Variants in DYNC2H1 observed in about 807,000 individuals in gnomAD.
The protein encoded by DYNC2H1 is cytoplasmic dynein 2 heavy chain 1.
Under a neutral mutation model 570.0 loss-of-function variants are expected in DYNC2H1, and 410 were observed. The ratio of observed to expected loss-of-function variants is 0.72; its 90% CI spans 0.66 to 0.78. DYNC2H1 has a LOEUF of 0.78. Among genes scored for constraint, DYNC2H1 ranks in the 30% least tolerant of loss-of-function variants. The pLI, the probability that DYNC2H1 is intolerant of heterozygous loss-of-function variation, is 0.00. For synonymous variants in DYNC2H1, 1,688 were observed against 1,677.6 expected, an observed-to-expected ratio of 1.01 and a Z score of -0.15; for missense variants, 4,865 against 5,046.4, an observed-to-expected ratio of 0.96 and a Z score of 1.09.
intron 59 of DYNC2H1, among the ~76,000 whole-genome samples, chr11:103,225,525 A>G (rs1022754220): frequency 2.6e-5 from 4 of 151,962 alleles, no homozygotes; most frequent in African/African-American, 9.7e-5. Context: ...TCCCTACTCT[A>G]TGTTTTTGTT....
At chr11:103,423,890 A>G (rs1943578556) in intron 84 of DYNC2H1, among the ~76,000 whole-genome samples, 2 of 152,120 alleles carry the variant, frequency 1.3e-5, no homozygotes, top group South Asian at 4.1e-4. Context: ...ATTTCTGTAT[A>G]ATAGCAATGA....
At chr11:103,469,983 A>G (rs1945320772) in intron 88 of DYNC2H1, among the ~76,000 whole-genome samples, 1 of 152,206 alleles carries the variant, frequency 6.6e-6, no homozygotes, top group Non-Finnish European at 1.5e-5. Context: ...ATTCTCTGGA[A>G]AATAAAATCC....
At chr11:103,477,966 T>C (rs1465284689) in intron 88 of DYNC2H1, among the ~76,000 whole-genome samples, 1 of 150,976 alleles carries the variant, frequency 6.6e-6, no homozygotes, top group Non-Finnish European at 1.5e-5. Context: ...ATATAAAAGA[T>C]GAACTTGTAT....
At position 103,141,017 on chromosome 11, in the gene DYNC2H1, A is replaced by C. The variant is rs571640373; in HGVS notation, c.2575-2251A>C. On this transcript the variant is annotated intron_variant, in intron 17 of 88. Transcript: ENST00000375735. ...TCGCATCGGCTCCTGAGGCTTCTGC[A>C]TTCTTCACGTAGTTCTCGAGTCTTG... Among the ~76,000 whole-genome samples, 45 of 152,146 alleles carry C rather than the reference A, an allele frequency of 3.0e-4. 1 individual carries two copies. In the South Asian group the frequency reaches 9.1e-3, roughly 31 times the overall value.
chr11:103,294,055 G>A (rs542438384), intron 75 of DYNC2H1, among the ~76,000 whole-genome samples: 8 of 152,214 alleles, frequency 5.3e-5, no homozygotes, highest in Middle Eastern at 3.4e-3. Context: ...CTCCAGCCTG[G>A]GCTAGTGAGA....
At chr11:103,478,128 ATCATATATGTT>A (rs1191229479) in intron 88 of DYNC2H1, among the ~76,000 whole-genome samples, 1 of 152,160 alleles carries the variant, frequency 6.6e-6, no homozygotes, top group Non-Finnish European at 1.5e-5. Context: ...ATTAAAGCAC[ATCATATATGTT>A]TAAACCCACC....
intron 82 of DYNC2H1, among the ~76,000 whole-genome samples, chr11:103,357,646 C>G (rs1940411702): frequency 6.6e-6 from 1 of 152,144 alleles, no homozygotes; most frequent in South Asian, 2.1e-4. Flanking sequence ...GTAATTAGAG[C>G]TTTCTGGATA....
At chr11:103,333,103 T>A (rs1938909904) in intron 82 of DYNC2H1, among the ~76,000 whole-genome samples, 1 of 152,214 alleles carries the variant, frequency 6.6e-6, no homozygotes, top group South Asian at 2.1e-4. Flanking sequence ...TATAATTACA[T>A]ATTAACACAC....
intron 83 of DYNC2H1, among the ~76,000 whole-genome samples, chr11:103,386,582 G>A (rs1220500498): frequency 4.6e-5 from 7 of 152,064 alleles, no homozygotes; most frequent in Non-Finnish European, 8.8e-5. Context: ...CATGTGCCAT[G>A]TTGGTGTGCT....
rs766394559 is a variant in DYNC2H1 at position 103,116,632 on chromosome 11, G to C, written c.684G>C (p.Gln228His). 8 of 1,609,972 alleles carry C rather than the reference G, an allele frequency of 5.0e-6. No individual in the cohort carries two copies. The highest frequency in any genetic ancestry group is 5.9e-6 in the Non-Finnish European group (7 of 1,177,652). ...TTGTTGACTTGGTGGAGACTACTCA[G>C]GATGTTGTAGATGATGTGTGGAGAC... ...LEVVDLVETT[Q>H]DVVDDVWRQT... is the part of the protein sequence containing the mutation. Residue 228 changes from glutamine to histidine, a missense_variant, in exon 5 of 89, where the codon CAG becomes CAC. Physicochemically the swap from Gln to His is conservative, Grantham distance 24 (BLOSUM62 0). Coordinates refer to ENST00000375735, the MANE Select transcript of DYNC2H1 (RefSeq NM_001377.3).
intron 85 of DYNC2H1, among the ~76,000 whole-genome samples, chr11:103,449,196 C>T (rs946501177): frequency 6.6e-6 from 1 of 152,038 alleles, no homozygotes; most frequent in African/African-American, 2.4e-5. Context: ...CTGAAGGAAA[C>T]AAGACAGAAA....
At chr11:103,462,785 T>C (rs1013873000) in intron 87 of DYNC2H1, among the ~76,000 whole-genome samples, 6 of 152,198 alleles carry the variant, frequency 3.9e-5, no homozygotes, top group Non-Finnish European at 7.3e-5. Flanking sequence ...TTGCATTTAT[T>C]TTATTTTTCA....
At chr11:103,306,265 A>C (rs1202349299) in intron 77 of DYNC2H1, among the ~76,000 whole-genome samples, 2 of 152,210 alleles carry the variant, frequency 1.3e-5, no homozygotes, top group Non-Finnish European at 2.9e-5. Context: ...AAATACTTGT[A>C]CTGCTTTCTG....
intron 52 of DYNC2H1, among the ~76,000 whole-genome samples, chr11:103,207,134 T>G (rs926108432): frequency 6.6e-6 from 1 of 151,918 alleles, no homozygotes; most frequent in Admixed American, 6.6e-5. Flanking sequence ...TTGGCTAGGC[T>G]GGTCTCGAGC....
chr11:103,197,399 C>G (rs1862543663), intron 47 of DYNC2H1, among the ~76,000 whole-genome samples: 1 of 152,016 alleles, frequency 6.6e-6, no homozygotes, highest in South Asian at 2.1e-4. Context: ...CCATCAGTCA[C>G]TTTTCAGGTA....
intron 18 of DYNC2H1, among the ~76,000 whole-genome samples, chr11:103,146,252 T>A (rs1285999464): frequency 2.0e-5 from 3 of 152,192 alleles, no homozygotes; most frequent in Non-Finnish European, 4.4e-5. Flanking sequence ...CTCACCTGGC[T>A]CTATGCTTTA....
chr11:103,341,886 C>G (rs143010227), intron 82 of DYNC2H1, among the ~76,000 whole-genome samples: 71 of 152,304 alleles, frequency 4.7e-4, no homozygotes, highest in Non-Finnish European at 6.5e-4. Context: ...TCAATTATTT[C>G]AGTTCTCTCC....
In DYNC2H1 at chr11:103,189,105, ATCTCC is replaced by A. The variant is rs1008567517; in HGVS notation, c.7292+461_7292+465del. Among the ~76,000 whole-genome samples the A allele has an allele frequency of 6.6e-6, 1 of 152,076 alleles. No individual in the cohort carries two copies. Among genetic ancestry groups the A allele is most frequent in the East Asian group, 1.9e-4 (1 of 5,192 alleles). Reference sequence around the variant, plus strand: ...CCATAATTACAGAGACTATGGCAATATCTCCTCTGTTTATATTTAATATACATTAT... The same window carrying A: ...CCATAATTACAGAGACTATGGCAATATCTGTTTATATTTAATATACATTAT... On this transcript the variant is annotated intron_variant, in intron 44 of 88. Transcript: ENST00000375735. This position sits in a 1 kb window ranked among gnomAD's most constrained non-coding sequence, Gnocchi z 4.3.
intron 38 of DYNC2H1, among the ~76,000 whole-genome samples, 169 bp from the exon 39 acceptor site, chr11:103,178,839 AGATAAAGTATTATTACAT>A (rs1249646517): frequency 1.3e-5 from 2 of 152,062 alleles, no homozygotes; most frequent in Non-Finnish European, 1.5e-5. Flanking sequence ...GTATGTTTAT[AGATAAAGTATTATTACAT>A]GATATATATC....
Sources: gnomAD v4.1 joint callset for allele counts (sites outside exome capture counted in the v4.1 genomes callset) on GRCh38, gnomAD v4.1.1 for gene constraint, Gnocchi (gnomAD v3.1) non-coding constraint, MANE v1.5 for transcripts, NCBI Gene and HGNC (gene_info 2026-07-23, HGNC 2026-07-21) for gene names.